The following LGSN variants were observed in gnomAD, a reference collection of about 807,000 sequenced individuals.
The protein encoded by LGSN is lengsin.
LGSN carries 21 observed loss-of-function variants against 19.5 expected under a neutral mutation model. The ratio of observed to expected loss-of-function variants is 1.07; its 90% CI spans 0.76 to 1.55. The LOEUF is 1.55. LGSN is among the 40% of genes most tolerant of loss of function. LGSN has a pLI of 0.00. For synonymous variants in LGSN, 257 were observed against 215.6 expected, an observed-to-expected ratio of 1.19 and a Z score of -1.68; for missense variants, 673 against 608.5, an observed-to-expected ratio of 1.11 and a Z score of -1.12.
In LGSN at chr6:63,280,307, T is replaced by C; in HGVS notation, c.1244A>G (p.Asn415Ser). The C allele has an allele frequency of 1.2e-6, 2 of 1,614,216 alleles. No homozygotes were observed. The highest frequency in any genetic ancestry group is 1.1e-5 in the South Asian group (1 of 91,088). ...IENKLGSATA[N>S]PYLVLAATVA... ...AGTTGCAGCCAGCACCAAGTAAGGG[T>C]TTGCTGTTGCTGAGCCTAGTTTATT... Residue 415 changes from asparagine (N) to serine (S), a missense_variant, in exon 4 of 4, where the codon AAC (asparagine) becomes AGC (serine). By Grantham distance (46) the Asn-to-Ser change is conservative. Transcript: ENST00000370657.
chr6:63,560,338 C>CAAAAAAAAAA, the LGSN span, among the ~76,000 whole-genome samples: 1 of 50,578 alleles, frequency 2.0e-5, no homozygotes, highest in Admixed American at 2.0e-4. Flanking sequence ...GACTCCGTCT[C>CAAAAAAAAAA]AAAAAAAAAA....
At chr6:63,528,512 C>T in the LGSN span, among the ~76,000 whole-genome samples, 1 of 151,908 alleles carries the variant, frequency 6.6e-6, no homozygotes, top group Non-Finnish European at 1.5e-5. Context: ...ATCGCCTGAG[C>T]CCAGGTGTTC....
At chr6:63,461,171 C>T in the LGSN span, among the ~76,000 whole-genome samples, 4 of 152,152 alleles carry the variant, frequency 2.6e-5, no homozygotes, top group African/African-American at 9.7e-5. Context: ...GGGCTCAAGC[C>T]TCCCGAGTAG....
In LGSN at chr6:63,279,879, C is replaced by T; in HGVS notation, c.*142G>A. Reference sequence around the variant, plus strand: ...AGTCCTACTTCATCTGTCAAATATTCCATGGACAAAAAAAAAAGTCAAAAG... The same window carrying T: ...AGTCCTACTTCATCTGTCAAATATTTCATGGACAAAAAAAAAAGTCAAAAG... On this transcript the variant is annotated 3_prime_UTR_variant, in exon 4 of 4. Coordinates refer to ENST00000370657, the MANE Select transcript of LGSN (RefSeq NM_016571.3). 1.3e-6 allele frequency: 1 copy of T among 758,270 alleles called. No individual in the cohort carries two copies. The highest frequency in any genetic ancestry group is 2.2e-6 in the Non-Finnish European group (1 of 462,168). 47.0% of individuals were successfully genotyped at this position (758,270 alleles called of 1,614,324 possible).
At chr6:63,424,767 T>C in the LGSN span, among the ~76,000 whole-genome samples, 1 of 151,900 alleles carries the variant, frequency 6.6e-6, no homozygotes, top group East Asian at 1.9e-4. Context: ...TAAAAATTAG[T>C]CAGGCATGGT....
intron 1 of LGSN, among the ~76,000 whole-genome samples, chr6:63,312,746 G>A (rs1768680795): frequency 6.6e-6 from 1 of 152,140 alleles, no homozygotes; most frequent in Non-Finnish European, 1.5e-5. Flanking sequence ...ACATTGATCT[G>A]AACTAGGAGA....
chr6:63,449,500 A>C, the LGSN span, among the ~76,000 whole-genome samples: 4 of 151,104 alleles, frequency 2.6e-5, no homozygotes, highest in Non-Finnish European at 4.4e-5. Flanking sequence ...AGCCGAGATC[A>C]CACCACTGCC....
At chr6:63,509,363 C>G in the LGSN span, among the ~76,000 whole-genome samples, 1 of 142,370 alleles carries the variant, frequency 7.0e-6, no homozygotes, top group Non-Finnish European at 1.5e-5. Context: ...CCACGCCTGG[C>G]CAAAAATACT....
chr6:63,387,115 G>T, the LGSN span, among the ~76,000 whole-genome samples: 88 of 152,014 alleles, frequency 5.8e-4, no homozygotes, highest in Non-Finnish European at 9.7e-4. Context: ...AAAAATAAAA[G>T]AAAAATAGAT....
At chr6:63,458,709 C>A in the LGSN span, among the ~76,000 whole-genome samples, 2 of 152,190 alleles carry the variant, frequency 1.3e-5, no homozygotes, top group Non-Finnish European at 2.9e-5. Context: ...GTCTGAAAAG[C>A]CTTCAGAGAG....
At chr6:63,537,868 G>A in the LGSN span, among the ~76,000 whole-genome samples, 5 of 152,068 alleles carry the variant, frequency 3.3e-5, no homozygotes, top group South Asian at 2.1e-4. Flanking sequence ...GGCCACGGCC[G>A]TAGTGAGAGA....
At chr6:63,298,719 A>T (rs188960122) in intron 1 of LGSN, among the ~76,000 whole-genome samples, 28 of 152,350 alleles carry the variant, frequency 1.8e-4, no homozygotes. Context: ...TCTTATAAAG[A>T]TAATTTAAAA....
chr6:63,451,436 T>C, the LGSN span, among the ~76,000 whole-genome samples: 1 of 152,222 alleles, frequency 6.6e-6, no homozygotes, highest in Admixed American at 6.5e-5. Flanking sequence ...TCATGTCCTT[T>C]GCAGGGGCAT....
At chr6:63,283,494 A>G (rs1032677013) in intron 3 of LGSN, among the ~76,000 whole-genome samples, 5 of 152,128 alleles carry the variant, frequency 3.3e-5, no homozygotes, top group African/African-American at 1.2e-4. Flanking sequence ...ATTATTGCAT[A>G]TAATTTAAAT....
At chr6:63,478,815 G>T in the LGSN span, among the ~76,000 whole-genome samples, 3 of 152,156 alleles carry the variant, frequency 2.0e-5, no homozygotes, top group Non-Finnish European at 4.4e-5. Flanking sequence ...GTGCTTTAAG[G>T]TTGGTTTGAT....
intron 1 of LGSN, among the ~76,000 whole-genome samples, chr6:63,301,125 T>C (rs538673724): frequency 1.2e-3 from 180 of 152,250 alleles, no homozygotes; most frequent in South Asian, 2.3e-3. Flanking sequence ...ACCCCATCTC[T>C]ACTAAAAATG....
At chr6:63,397,482 G>A in the LGSN span, among the ~76,000 whole-genome samples, 1 of 151,120 alleles carries the variant, frequency 6.6e-6, no homozygotes, top group Non-Finnish European at 1.5e-5. Flanking sequence ...AAGGGCAAAA[G>A]CTGGGATTAT....
At chr6:63,570,999 A>C in the LGSN span, 1 of 152,208 alleles carries the variant, frequency 6.6e-6, no homozygotes, top group Non-Finnish European at 1.5e-5. Context: ...TTAAGATTTT[A>C]AAGTCTTTAC....
chr6:63,505,589 G>GAAATAAAT, the LGSN span, among the ~76,000 whole-genome samples: 1 of 105,696 alleles, frequency 9.5e-6, no homozygotes, highest in African/African-American at 3.2e-5. Context: ...AAGAAAGAAA[G>GAAATAAAT]AAAGAAAGAA....
Sources: allele counts gnomAD v4.1 joint callset (sites outside exome capture counted in the v4.1 genomes callset), GRCh38; gene constraint gnomAD v4.1.1; transcripts MANE v1.5; gene names NCBI Gene and HGNC (gene_info 2026-07-23, HGNC 2026-07-21).